The following DYNC1I2 variants were observed in gnomAD, a reference collection of about 807,000 sequenced individuals.
DYNC1I2 encodes cytoplasmic dynein 1 intermediate chain 2.
DYNC1I2 carries 53 observed loss-of-function variants against 88.6 expected under a neutral mutation model. The ratio of observed to expected loss-of-function variants is 0.60; its 90% CI spans 0.48 to 0.75. The LOEUF is 0.75. Ranked by LOEUF, DYNC1I2 falls within the 30% of genes least tolerant of loss-of-function variation. The pLI, the probability that DYNC1I2 is intolerant of heterozygous loss-of-function variation, is 0.00. For synonymous variants in DYNC1I2, 198 were observed against 254.6 expected (o/e 0.78, Z 2.12); for missense variants, 458 against 766.6 (o/e 0.60, Z 4.75).
intron 6 of DYNC1I2, among the ~76,000 whole-genome samples, chr2:171,714,186 A>C (rs1192519169): frequency 6.6e-6 from 1 of 152,048 alleles, no homozygotes; most frequent in South Asian, 2.1e-4. Context: ...TTCTTTGACT[A>C]TACTTTTTTT....
At chr2:171,709,444 G>A (rs1280571108) in intron 5 of DYNC1I2, among the ~76,000 whole-genome samples, 1 of 152,112 alleles carries the variant, frequency 6.6e-6, no homozygotes, top group Non-Finnish European at 1.5e-5. Flanking sequence ...TACCACAGAA[G>A]ATAAAACATT....
chr2:171,716,693 AT>A (rs1269191297), intron 7 of DYNC1I2, among the ~76,000 whole-genome samples: 1 of 152,040 alleles, frequency 6.6e-6, no homozygotes, highest in East Asian at 1.9e-4. Flanking sequence ...ATTGCTTAAG[AT>A]TAGGAGTTCA....
chr2:171,705,306 G>A (rs1231112488), intron 3 of DYNC1I2, among the ~76,000 whole-genome samples: 1 of 151,972 alleles, frequency 6.6e-6, no homozygotes, highest in Non-Finnish European at 1.5e-5. Flanking sequence ...CTTGTTCAGT[G>A]GAGTCATTGA....
chr2:171,743,121 A>T (rs150037945), intron 15 of DYNC1I2, among the ~76,000 whole-genome samples: 7 of 152,336 alleles, frequency 4.6e-5, no homozygotes, highest in Admixed American at 1.3e-4. Flanking sequence ...GTTGATTAAC[A>T]CATATTTTTT....
chr2:171,699,591 A>AGTGTGTGT (rs3223500), intron 3 of DYNC1I2, among the ~76,000 whole-genome samples: 4,445 of 137,744 alleles, frequency 0.032, 74 homozygotes, highest in East Asian at 0.048. Flanking sequence ...CATCATTTGG[A>AGTGTGTGT]GTGTGTGTGT....
At chr2:171,704,174 T>A (rs1343999757) in intron 3 of DYNC1I2, among the ~76,000 whole-genome samples, 1 of 152,152 alleles carries the variant, frequency 6.6e-6, no homozygotes. Flanking sequence ...AGTTGTTTCT[T>A]CACAGGCCAG....
chr2:171,733,192 C>T (rs965582218), intron 15 of DYNC1I2, among the ~76,000 whole-genome samples: 5 of 152,192 alleles, frequency 3.3e-5, no homozygotes, highest in Non-Finnish European at 5.9e-5. Flanking sequence ...CTTATGGCTT[C>T]GTAGTATTCT....
chr2:171,735,546 A>G (rs928384953), intron 15 of DYNC1I2, among the ~76,000 whole-genome samples: 1 of 152,254 alleles, frequency 6.6e-6, no homozygotes, highest in Non-Finnish European at 1.5e-5. Flanking sequence ...AGCATTTCTG[A>G]TAAGGGATAT....
chr2:171,720,031 ATT>A (rs36082906), intron 7 of DYNC1I2, among the ~76,000 whole-genome samples: 456 of 141,840 alleles, frequency 3.2e-3, no homozygotes, highest in Middle Eastern at 7.3e-3. Flanking sequence ...TTCTGTATGG[ATT>A]TTTTTTTTTT....
chr2:171,711,802 A>G (rs1687143887), intron 5 of DYNC1I2, among the ~76,000 whole-genome samples: 1 of 152,264 alleles, frequency 6.6e-6, no homozygotes, highest in Non-Finnish European at 1.5e-5. Context: ...AAAACTAGTT[A>G]TAAATTATAA....
intron 3 of DYNC1I2, among the ~76,000 whole-genome samples, chr2:171,696,847 A>T (rs1004828326): frequency 6.6e-6 from 1 of 152,166 alleles, no homozygotes; most frequent in Non-Finnish European, 1.5e-5. Flanking sequence ...CTAATTTCTG[A>T]TACAGAAAAT....
chr2:171,731,390 A>T (rs1688596117), intron 15 of DYNC1I2, among the ~76,000 whole-genome samples: 1 of 152,216 alleles, frequency 6.6e-6, no homozygotes, highest in Non-Finnish European at 1.5e-5. Flanking sequence ...TGGATTAGAG[A>T]TGTATAACCA....
rs1387483354 is a variant in DYNC1I2 at position 171,748,840 on chromosome 2, T to C, written c.*951T>C. On this transcript the variant is annotated 3_prime_UTR_variant, in exon 18 of 18. Transcript: ENST00000397119. ...GGACCCATACTTTGGCATTAAAATC[T>C]ACATCTTGAGATCTGTTGCCACAGC... Among the ~76,000 whole-genome samples the C allele has an allele frequency of 6.6e-6, 1 of 152,218 alleles. No individual in the cohort carries two copies. Among genetic ancestry groups the C allele is most frequent in the Non-Finnish European group, 1.5e-5 (1 of 68,016 alleles).
At chr2:171,727,504 C>T (rs950915427) in intron 11 of DYNC1I2, among the ~76,000 whole-genome samples, 2 of 152,080 alleles carry the variant, frequency 1.3e-5, no homozygotes, top group Admixed American at 6.6e-5. Context: ...AGATTACTGT[C>T]AGAGTCTAAT....
rs1689953197 is a variant in DYNC1I2, at chr2:171,748,803, A to C, written c.*914A>C. Among the ~76,000 whole-genome samples, 1 of 152,208 alleles carries C rather than the reference A, an allele frequency of 6.6e-6. No individual in the cohort carries two copies. The highest frequency in any genetic ancestry group is 6.5e-5 in the Admixed American group (1 of 15,282). On this transcript the variant is annotated 3_prime_UTR_variant, in exon 18 of 18. Coordinates refer to ENST00000397119, the MANE Select transcript of DYNC1I2 (RefSeq NM_001378.3). ...CATGATTTCAGTAGCCATAAAGGCA[A>C]AGTGCTCAAATGGACCCATACTTTG...
chr2:171,740,340 CATATTCCACAAA>C (rs1366628432), intron 15 of DYNC1I2, among the ~76,000 whole-genome samples: 1 of 152,140 alleles, frequency 6.6e-6, no homozygotes, highest in African/African-American at 2.4e-5. Flanking sequence ...GCATTATTCC[CATATTCCACAAA>C]AGTACATGAT....
chr2:171,699,844 T>C (rs550205425), intron 3 of DYNC1I2, among the ~76,000 whole-genome samples: 1 of 152,140 alleles, frequency 6.6e-6, no homozygotes, highest in South Asian at 2.1e-4. Flanking sequence ...TCTCGCTATG[T>C]TACCCAGGCT....
chr2:171,709,485 G>A (rs750762448), intron 5 of DYNC1I2, among the ~76,000 whole-genome samples: 1 of 152,130 alleles, frequency 6.6e-6, no homozygotes, highest in Non-Finnish European at 1.5e-5. Flanking sequence ...AATTTACATT[G>A]TAGTGATTAC....
chr2:171,709,041 C>T (rs1472366957), intron 5 of DYNC1I2, among the ~76,000 whole-genome samples: 2 of 151,910 alleles, frequency 1.3e-5, no homozygotes, highest in African/African-American at 2.4e-5. Context: ...TAAGTGAAAG[C>T]GTTTTTTTTT....
Sources: gnomAD v4.1 joint callset for allele counts (sites outside exome capture counted in the v4.1 genomes callset) on GRCh38, gnomAD v4.1.1 for gene constraint, MANE v1.5 for transcripts, NCBI Gene and HGNC (gene_info 2026-07-23, HGNC 2026-07-21) for gene names.